The following NCKAP1 variants were observed in gnomAD, a reference collection of about 807,000 sequenced individuals.
NCKAP1 encodes nck-associated protein 1.
A neutral mutation model predicts 151.2 loss-of-function variants in NCKAP1; 21 were observed. The ratio of observed to expected loss-of-function variants is 0.14; its 90% CI spans 0.10 to 0.20. The LOEUF (loss-of-function observed/expected upper bound fraction) is 0.20. Among genes scored for constraint, NCKAP1 ranks in the 10% least tolerant of loss-of-function variants. The pLI is 1.00. For synonymous variants in NCKAP1, 484 were observed against 451.8 expected, an observed-to-expected ratio of 1.07 and a Z score of -0.90; for missense variants, 933 against 1,352.1, an observed-to-expected ratio of 0.69 and a Z score of 4.86.
At chr2:182,966,832 T>C (rs1374238206) in intron 16 of NCKAP1, among the ~76,000 whole-genome samples, 4 of 152,212 alleles carry the variant, frequency 2.6e-5, no homozygotes, top group Admixed American at 2.0e-4. Flanking sequence ...TTTTACATCA[T>C]AGAAGTGAAG....
intron 8 of NCKAP1, among the ~76,000 whole-genome samples, chr2:182,994,396 G>T (rs1304981851): frequency 1.3e-5 from 2 of 152,098 alleles, no homozygotes; most frequent in African/African-American, 4.8e-5. Flanking sequence ...CCAGCACTGT[G>T]GGAGGCCGAG....
intron 2 of NCKAP1, among the ~76,000 whole-genome samples, chr2:183,018,672 T>C (rs535649571): frequency 1.8e-4 from 28 of 152,326 alleles, no homozygotes; most frequent in Middle Eastern, 3.4e-3. Context: ...TTTTTTTAGC[T>C]AACATTAACT....
At position 182,934,153 on chromosome 2, in the gene NCKAP1, T is replaced by A. The variant is rs1696823378; in HGVS notation, c.2859+599A>T. Among the ~76,000 whole-genome samples the A allele has an allele frequency of 3.9e-5, 6 of 152,234 alleles. No individual in the cohort carries two copies. In the South Asian group the frequency reaches 1.2e-3, roughly 32 times the overall value. Reference sequence around the variant, plus strand: ...TTCATTGCTTCATCTTTCTTTTTTTTTTGAGACGGAGTCTCATTCTGTTGC... The same window carrying A: ...TTCATTGCTTCATCTTTCTTTTTTTATTGAGACGGAGTCTCATTCTGTTGC... On this transcript the variant is annotated intron_variant, in intron 26 of 30. Coordinates refer to ENST00000361354, the MANE Select transcript of NCKAP1 (RefSeq NM_013436.5).
chr2:183,022,020 T>C (rs1262363600), intron 2 of NCKAP1, among the ~76,000 whole-genome samples: 1 of 152,022 alleles, frequency 6.6e-6, no homozygotes, highest in Non-Finnish European at 1.5e-5. Context: ...GAAGTAAAAC[T>C]ATCAAAAAAC....
chr2:182,992,296 T>C (rs1024008414), intron 8 of NCKAP1, among the ~76,000 whole-genome samples: 1 of 152,238 alleles, frequency 6.6e-6, no homozygotes, highest in Non-Finnish European at 1.5e-5. Flanking sequence ...TTCAAATACA[T>C]GAAAGAAGCA....
At chr2:182,934,369 G>C (rs1293669341) in intron 26 of NCKAP1, 4 of 148,800 alleles carry the variant, frequency 2.7e-5, no homozygotes, top group Non-Finnish European at 5.9e-5. Flanking sequence ...GGATGGTCTT[G>C]ATCTCCTGAC....
intron 23 of NCKAP1, among the ~76,000 whole-genome samples, chr2:182,944,295 AG>A (rs1250416434): frequency 3.3e-5 from 5 of 152,160 alleles, no homozygotes; most frequent in Non-Finnish European, 7.4e-5. Flanking sequence ...TTTAAAAAAA[AG>A]TTTGATATAA....
intron 1 of NCKAP1, among the ~76,000 whole-genome samples, chr2:183,034,209 A>G (rs1041081388): frequency 6.6e-6 from 1 of 152,172 alleles, no homozygotes; most frequent in Non-Finnish European, 1.5e-5. Flanking sequence ...AAAGACTTTC[A>G]ATTTTACAAT....
chr2:182,995,780 G>C lies in NCKAP1; in HGVS notation c.662C>G (p.Ala221Gly). 3 of 1,612,914 alleles carry C rather than the reference G, an allele frequency of 1.9e-6. No homozygotes were observed. The highest frequency in any genetic ancestry group is 2.5e-6 in the Non-Finnish European group (3 of 1,178,950). Reference sequence around the variant, plus strand: ...TAACTGGGCATTTCTCCACTGGTCAGCTGAAAGATTCCTTCGAGGATATAC... The same window carrying C: ...TAACTGGGCATTTCTCCACTGGTCACCTGAAAGATTCCTTCGAGGATATAC... ...QMVYPRRNLS[A>G]DQWRNAQLLS... The change falls in exon 7 of 31, where the codon GCT becomes GGT. Residue 221 changes from alanine to glycine, a missense_variant. Coordinates refer to ENST00000361354, the MANE Select transcript of NCKAP1 (RefSeq NM_013436.5).
Position 182,932,025 on chromosome 2 carries a change from GAA to G in NCKAP1, c.2860-1239_2860-1238del, listed in dbSNP as rs1352281338. 2.0e-5 allele frequency among the ~76,000 whole-genome samples: 3 copies of G among 152,086 alleles called. No homozygotes were observed. In the East Asian group the frequency reaches 5.8e-4, roughly 29 times the overall value. On this transcript the variant is annotated intron_variant, in intron 26 of 30. Coordinates refer to ENST00000361354, the MANE Select transcript of NCKAP1 (RefSeq NM_013436.5). The stretch of plus-strand genomic sequence containing the variant: ...TGAAACCCTCATACAATGCTGGTAG[GAA>G]TGCAAAATGACACACCCAATTTGAA...
chr2:182,941,158 C>A, intron 24 of NCKAP1, among the ~76,000 whole-genome samples: 1 of 150,104 alleles, frequency 6.7e-6, no homozygotes, highest in Non-Finnish European at 1.5e-5. Context: ...GTTGAGAAGG[C>A]TTTTAAATTA....
At chr2:183,029,032 G>T (rs1339648621) in intron 1 of NCKAP1, among the ~76,000 whole-genome samples, 1 of 151,832 alleles carries the variant, frequency 6.6e-6, no homozygotes, top group African/African-American at 2.4e-5. Flanking sequence ...CAGGAGAATC[G>T]CTTGAACCCG....
chr2:182,974,763 T>C (rs1038016711), intron 15 of NCKAP1, among the ~76,000 whole-genome samples: 21 of 152,134 alleles, frequency 1.4e-4, no homozygotes, highest in African/African-American at 5.1e-4. Flanking sequence ...TTAAGCCATC[T>C]AGTTGGTACT....
chr2:182,920,376 C>T lies in NCKAP1; in HGVS notation c.*5326G>A, dbSNP rs1178205486. 1 of 152,160 alleles carries T rather than the reference C, an allele frequency of 6.6e-6. No homozygotes were observed. The highest frequency in any genetic ancestry group is 1.5e-5 in the Non-Finnish European group (1 of 68,040). The allele number at this position is 152,160 out of a possible 1,614,324, so 9.4% of individuals were successfully genotyped here. A position where few individuals can be genotyped will look rare whatever the true frequency, so the allele number is the denominator to read the frequency against. Reference sequence around the variant, plus strand: ...CAATTAAAGATGACATGAACATAGACATTCAGAAGCAACACTGTCATCTTG... The same window carrying T: ...CAATTAAAGATGACATGAACATAGATATTCAGAAGCAACACTGTCATCTTG... On this transcript the variant is annotated 3_prime_UTR_variant, in exon 31 of 31. Transcript: ENST00000361354.
chr2:182,912,319 G>A lies in NCKAP1; in HGVS notation c.*13383C>T, dbSNP rs1167406763. 6.6e-6 allele frequency: 1 copy of A among 152,080 alleles called. No individual in the cohort carries two copies. Among genetic ancestry groups the A allele is most frequent in the Non-Finnish European group, 1.5e-5 (1 of 68,024 alleles). 9.4% of individuals were successfully genotyped at this position (152,080 alleles called of 1,614,324 possible). ...GCTAAAAATCAACCAACTATAAACA[G>A]TTACCACAGTTCTGTTTTTGCCAGT... On this transcript the variant is annotated 3_prime_UTR_variant, in exon 31 of 31. Coordinates refer to ENST00000361354, the MANE Select transcript of NCKAP1 (RefSeq NM_013436.5).
intron 19 of NCKAP1, chr2:182,957,189 ATTT>A: frequency 3.5e-6 from 1 of 283,318 alleles, no homozygotes; most frequent in Middle Eastern, 1.2e-3. Flanking sequence ...AACACACAAA[ATTT>A]TTTAAACATA....
At chr2:183,006,148 A>G (rs1698468474) in intron 2 of NCKAP1, among the ~76,000 whole-genome samples, 1 of 152,218 alleles carries the variant, frequency 6.6e-6, no homozygotes, top group Non-Finnish European at 1.5e-5. Flanking sequence ...GACAAACTTC[A>G]AAGACTACCA....
intron 20 of NCKAP1, among the ~76,000 whole-genome samples, chr2:182,955,609 A>G (rs1697308310): frequency 6.6e-6 from 1 of 152,224 alleles, no homozygotes; most frequent in South Asian, 2.1e-4. Flanking sequence ...AATTCAGAAA[A>G]CATGTAAGGG....
chr2:183,000,470 G>A (rs1186493327), intron 6 of NCKAP1, among the ~76,000 whole-genome samples: 2 of 152,070 alleles, frequency 1.3e-5, no homozygotes, highest in African/African-American at 4.8e-5. Flanking sequence ...AATCCTAAAT[G>A]GATCCAGAGA....
Sources: allele counts gnomAD v4.1 joint callset (sites outside exome capture counted in the v4.1 genomes callset), GRCh38; gene constraint gnomAD v4.1.1; transcripts MANE v1.5; gene names NCBI Gene and HGNC (gene_info 2026-07-23, HGNC 2026-07-21).